The following ZNG1B variants were observed in gnomAD, a reference collection of about 807,000 sequenced individuals.
The protein encoded by ZNG1B is zinc-regulated GTPase metalloprotein activator 1B.
the ZNG1B span, among the ~76,000 whole-genome samples, chr2:113,464,608 G>A: frequency 1.1e-4 from 17 of 151,182 alleles, no homozygotes; most frequent in African/African-American, 3.9e-4. Flanking sequence ...GGGAACTGAC[G>A]AGGTTATTCT....
the ZNG1B span, among the ~76,000 whole-genome samples, chr2:113,452,206 C>T: frequency 6.6e-6 from 1 of 152,102 alleles, no homozygotes; most frequent in South Asian, 2.1e-4. Flanking sequence ...CAATAGGTAT[C>T]AGGAAACCAT....
the ZNG1B span, among the ~76,000 whole-genome samples, chr2:113,477,483 G>A: frequency 5.9e-5 from 9 of 152,044 alleles, no homozygotes; most frequent in East Asian, 1.9e-4. Context: ...TGTCTTCTGC[G>A]TCTCTCACGC....
the ZNG1B span, among the ~76,000 whole-genome samples, chr2:113,481,109 G>A: frequency 7.2e-6 from 1 of 138,686 alleles, no homozygotes; most frequent in Non-Finnish European, 1.5e-5. Context: ...TTTTTTTGCT[G>A]CGTATGAAGT....
the ZNG1B span, chr2:113,453,124 A>G: frequency 6.3e-7 from 1 of 1,576,658 alleles, no homozygotes; most frequent in Non-Finnish European, 8.6e-7. Context: ...TTTGATGAAT[A>G]TTATATATTT....
the ZNG1B span, among the ~76,000 whole-genome samples, chr2:113,491,839 C>T: frequency 2.7e-5 from 3 of 111,748 alleles, no homozygotes; most frequent in Non-Finnish European, 5.6e-5. Flanking sequence ...CATGAATAGA[C>T]AATTCTTAAA....
the ZNG1B span, among the ~76,000 whole-genome samples, chr2:113,454,110 A>T: frequency 2.0e-5 from 3 of 152,148 alleles, no homozygotes; most frequent in African/African-American, 7.2e-5. Context: ...GGGCCCCATC[A>T]TTGAGCTCTA....
At chr2:113,475,944 T>C in the ZNG1B span, among the ~76,000 whole-genome samples, 1 of 152,158 alleles carries the variant, frequency 6.6e-6, no homozygotes, top group Non-Finnish European at 1.5e-5. Context: ...ATTTCAACTT[T>C]GGTGAATCTG....
chr2:113,455,001 T>C, the ZNG1B span, among the ~76,000 whole-genome samples: 1 of 152,174 alleles, frequency 6.6e-6, no homozygotes, highest in East Asian at 1.9e-4. Context: ...AATTTGGAAT[T>C]ATAATTTGTA....
At chr2:113,466,033 G>A in the ZNG1B span, 2 of 981,804 alleles carry the variant, frequency 2.0e-6, no homozygotes, top group East Asian at 2.4e-4. Context: ...GCATTCTCAG[G>A]AGCCACTCAT....
the ZNG1B span, among the ~76,000 whole-genome samples, chr2:113,461,156 C>T: frequency 6.6e-6 from 1 of 150,840 alleles, no homozygotes; most frequent in Admixed American, 6.6e-5. Context: ...AAGCGATTCT[C>T]CTGCCTCAGC....
At chr2:113,459,695 A>G in the ZNG1B span, among the ~76,000 whole-genome samples, 4 of 151,910 alleles carry the variant, frequency 2.6e-5, no homozygotes, top group East Asian at 5.8e-4. Context: ...TTATAAAGTT[A>G]GATTCAAGGA....
the ZNG1B span, chr2:113,453,247 T>G: frequency 1.1e-5 from 17 of 1,588,720 alleles, no homozygotes; most frequent in Middle Eastern, 2.3e-4. Flanking sequence ...TTTGTTTTTT[T>G]TTTTATTTTT....
the ZNG1B span, among the ~76,000 whole-genome samples, chr2:113,454,379 A>C: frequency 6.6e-6 from 1 of 151,786 alleles, no homozygotes; most frequent in Non-Finnish European, 1.5e-5. Flanking sequence ...ACTAGAAATA[A>C]CCTGTCTTAT....
At chr2:113,453,328 C>T in the ZNG1B span, 16 of 1,347,168 alleles carry the variant, frequency 1.2e-5, no homozygotes, top group South Asian at 1.8e-4. Flanking sequence ...TCTCGGCTCA[C>T]TGCAACCTTT....
At chr2:113,441,188 G>A in the ZNG1B span, among the ~76,000 whole-genome samples, 1 of 152,210 alleles carries the variant, frequency 6.6e-6, no homozygotes, top group South Asian at 2.1e-4. Flanking sequence ...TTTTGCAACA[G>A]GTTTCAAAGG....
chr2:113,450,712 T>C, the ZNG1B span, among the ~76,000 whole-genome samples: 4 of 146,630 alleles, frequency 2.7e-5, no homozygotes, highest in Admixed American at 7.0e-5. Context: ...TGTTTCTTTT[T>C]GTCAGGCTGT....
At chr2:113,448,994 C>T in the ZNG1B span, among the ~76,000 whole-genome samples, 1 of 152,132 alleles carries the variant, frequency 6.6e-6, no homozygotes, top group Non-Finnish European at 1.5e-5. Context: ...AGGTAGTTTA[C>T]TACAGCTTCT....
the ZNG1B span, among the ~76,000 whole-genome samples, chr2:113,463,236 G>A: frequency 7.2e-5 from 11 of 152,074 alleles, no homozygotes; most frequent in Non-Finnish European, 1.2e-4. Flanking sequence ...GCTTTGTTTT[G>A]AATTATTTTG....
chr2:113,458,075 A>G, the ZNG1B span, among the ~76,000 whole-genome samples: 1 of 149,798 alleles, frequency 6.7e-6, no homozygotes, highest in Non-Finnish European at 1.5e-5. Context: ...TTGGACATCT[A>G]TGTAATATAA....
Sources: gnomAD v4.1 joint callset for allele counts (sites outside exome capture counted in the v4.1 genomes callset) on GRCh38, gnomAD v4.1.1 for gene constraint, MANE v1.5 for transcripts, NCBI Gene and HGNC (gene_info 2026-07-23, HGNC 2026-07-21) for gene names.